GRIN2B: variants seen among roughly 807,000 people sequenced by gnomAD.
GRIN2B encodes glutamate ionotropic receptor NMDA type subunit 2B.
Under a neutral mutation model 114.5 loss-of-function variants are expected in GRIN2B, and 5 were observed. The observed-to-expected ratio is 0.04, with a 90% CI of 0.02 to 0.09. GRIN2B has a LOEUF of 0.09. Among genes scored for constraint, GRIN2B ranks in the 10% least tolerant of loss-of-function variants. The pLI, the probability that GRIN2B is intolerant of heterozygous loss-of-function variation, is 1.00. For missense variants in GRIN2B, 1,108 were observed against 1,943.5 expected (o/e 0.57, Z 8.08); for synonymous variants, 787 against 745.1 (o/e 1.06, Z -0.92).
intron 3 of GRIN2B, among the ~76,000 whole-genome samples, chr12:13,792,726 G>A (rs1864342002): frequency 6.6e-6 from 1 of 151,746 alleles, no homozygotes; most frequent in African/African-American, 2.4e-5. Flanking sequence ...GCACCTGACA[G>A]AAGCAGCAGC....
At chr12:13,687,344 T>C (rs1460661239) in intron 4 of GRIN2B, among the ~76,000 whole-genome samples, 1 of 152,146 alleles carries the variant, frequency 6.6e-6, no homozygotes, top group East Asian at 1.9e-4. Flanking sequence ...TAGGATAATA[T>C]CTTGGTTCTC....
intron 5 of GRIN2B, among the ~76,000 whole-genome samples, chr12:13,651,079 T>C (rs377366829): frequency 1.2e-3 from 181 of 152,174 alleles, no homozygotes; most frequent in African/African-American, 4.1e-3. Flanking sequence ...GAGAGGGAAG[T>C]CCAATTTGAA....
chr12:13,818,236 T>C (rs547397184), intron 3 of GRIN2B, among the ~76,000 whole-genome samples: 8 of 152,316 alleles, frequency 5.3e-5, no homozygotes, highest in African/African-American at 1.9e-4. Context: ...ACTCCCTTTA[T>C]TTTAACCAAA....
intron 4 of GRIN2B, among the ~76,000 whole-genome samples, chr12:13,692,387 G>A (rs1040854595): frequency 1.3e-5 from 2 of 152,034 alleles, no homozygotes; most frequent in Admixed American, 6.6e-5. Context: ...ACATACAGCA[G>A]GTCCTCAAAT....
At chr12:13,747,036 T>C (rs918001757) in intron 4 of GRIN2B, among the ~76,000 whole-genome samples, 2 of 152,088 alleles carry the variant, frequency 1.3e-5, no homozygotes, top group African/African-American at 4.8e-5. Context: ...GAATGGACTA[T>C]AGGAATCCAT....
intron 10 of GRIN2B, among the ~76,000 whole-genome samples, chr12:13,606,341 C>T (rs780484356): frequency 1.2e-4 from 18 of 152,192 alleles, no homozygotes; most frequent in Non-Finnish European, 2.2e-4. Context: ...CCAGCATGTG[C>T]GGAGATCGTA....
chr12:13,598,971 C>T (rs1949113609), intron 10 of GRIN2B, among the ~76,000 whole-genome samples: 1 of 152,184 alleles, frequency 6.6e-6, no homozygotes, highest in Non-Finnish European at 1.5e-5. Flanking sequence ...GCTGACAATC[C>T]AAGCTGCTCC....
intron 5 of GRIN2B, among the ~76,000 whole-genome samples, chr12:13,636,525 T>C (rs1299672142): frequency 6.6e-6 from 1 of 152,142 alleles, no homozygotes; most frequent in Non-Finnish European, 1.5e-5. Flanking sequence ...ACTGTGATGA[T>C]GGCAATAGAG....
At chr12:13,857,609 T>G (rs993432759) in intron 3 of GRIN2B, among the ~76,000 whole-genome samples, 13 of 152,186 alleles carry the variant, frequency 8.5e-5, no homozygotes, top group African/African-American at 3.1e-4. Context: ...ACAAGGGAAA[T>G]GCACCATGTT....
intron 1 of GRIN2B, among the ~76,000 whole-genome samples, chr12:13,980,700 A>G (rs1863116724): frequency 6.6e-6 from 1 of 152,162 alleles, no homozygotes; most frequent in South Asian, 2.1e-4. Flanking sequence ...ACTCACACAC[A>G]CGCAGAAACA....
intron 4 of GRIN2B, among the ~76,000 whole-genome samples, chr12:13,749,091 A>G (rs1023298955): frequency 2.6e-5 from 4 of 152,266 alleles, no homozygotes; most frequent in African/African-American, 9.6e-5. Flanking sequence ...AATTTGGATT[A>G]ACACCTGATA....
At chr12:13,608,914 C>T (rs1949323616) in intron 9 of GRIN2B, 82 bp from the exon 10 acceptor site, 1 of 992,572 alleles carries the variant, frequency 1.0e-6, no homozygotes, top group East Asian at 2.4e-5. Flanking sequence ...AGGGTGAGTC[C>T]CTGCTCAGAG....
At chr12:13,785,183 T>C (rs1315476558) in intron 3 of GRIN2B, among the ~76,000 whole-genome samples, 2 of 152,248 alleles carry the variant, frequency 1.3e-5, no homozygotes, top group African/African-American at 4.8e-5. Context: ...CACTACTTGC[T>C]ACTACTTAAT....
chr12:13,582,211 C>G (rs1948862363), intron 10 of GRIN2B, among the ~76,000 whole-genome samples: 1 of 152,152 alleles, frequency 6.6e-6, no homozygotes. Context: ...CCTTCACCTC[C>G]ATGAAAGAAT....
intron 3 of GRIN2B, among the ~76,000 whole-genome samples, chr12:13,755,116 G>A (rs1863554620): frequency 6.6e-6 from 1 of 152,138 alleles, no homozygotes; most frequent in African/African-American, 2.4e-5. Flanking sequence ...ACAAAACTGT[G>A]TCTTTTCTAA....
intron 4 of GRIN2B, among the ~76,000 whole-genome samples, chr12:13,699,773 G>C (rs1033931132): frequency 2.6e-5 from 4 of 151,840 alleles, no homozygotes; most frequent in Non-Finnish European, 5.9e-5. Flanking sequence ...ATTTTTAGTA[G>C]AGATGGGGTT....
At position 13,631,258 on chromosome 12, in the gene GRIN2B, A is replaced by G. The variant is rs551841052; in HGVS notation, c.1126-14601T>C. ...ATCCTCCACTGAAGGGCAGGCGGATATCTGGTCTCAAAGCAAGAGATTTTC... is the reference window on the plus strand; with the variant it reads ...ATCCTCCACTGAAGGGCAGGCGGATGTCTGGTCTCAAAGCAAGAGATTTTC... On this transcript the variant is annotated intron_variant, in intron 5 of 13. Coordinates refer to ENST00000609686, the MANE Select transcript of GRIN2B (RefSeq NM_000834.5). Among the ~76,000 whole-genome samples, 26 of 152,354 alleles carry G rather than the reference A, an allele frequency of 1.7e-4. No homozygotes were observed. The South Asian group carries it at 2.9e-3, about 17-fold the overall frequency.
chr12:13,856,253 G>T (rs73055696), intron 3 of GRIN2B, among the ~76,000 whole-genome samples: 4,365 of 152,274 alleles, frequency 0.029, 96 homozygotes, highest in Non-Finnish European at 0.043. Context: ...ATTTAGTGTG[G>T]CTTGACATTG....
chr12:13,577,415 C>T (rs776194769), intron 10 of GRIN2B, among the ~76,000 whole-genome samples: 3 of 152,308 alleles, frequency 2.0e-5, no homozygotes, highest in Non-Finnish European at 2.9e-5. Context: ...GAATTAGTCT[C>T]AGCAGCCATG....
Sources: gnomAD v4.1 joint callset for allele counts (sites outside exome capture counted in the v4.1 genomes callset) on GRCh38, gnomAD v4.1.1 for gene constraint, MANE v1.5 for transcripts, NCBI Gene and HGNC (gene_info 2026-07-23, HGNC 2026-07-21) for gene names.